The following XKR4 variants were observed in gnomAD, a reference collection of about 807,000 sequenced individuals.
The protein encoded by XKR4 is XK-related protein 4.
A neutral mutation model predicts 53.9 loss-of-function variants in XKR4; 12 were observed. That is an observed-to-expected ratio of 0.22 (90% CI 0.14 to 0.36). The LOEUF (loss-of-function observed/expected upper bound fraction) is 0.36. Ranked by LOEUF, XKR4 falls within the 10% of genes least tolerant of loss-of-function variation. The probability of loss-of-function intolerance (pLI) is 1.00; values close to 1 mark genes in which losing one functional copy is unlikely to be tolerated. For synonymous variants in XKR4, 354 were observed against 362.4 expected, an observed-to-expected ratio of 0.98 and a Z score of 0.26; for missense variants, 799 against 859.5, an observed-to-expected ratio of 0.93 and a Z score of 0.88.
intron 1 of XKR4, among the ~76,000 whole-genome samples, chr8:55,160,980 A>T (rs1188004894): frequency 2.0e-5 from 3 of 152,250 alleles, no homozygotes; most frequent in African/African-American, 7.2e-5. Flanking sequence ...TTTAAAGGAA[A>T]GACAAGGGTG....
intron 2 of XKR4, among the ~76,000 whole-genome samples, chr8:55,477,881 G>A (rs1410920568): frequency 6.6e-6 from 1 of 152,090 alleles, no homozygotes; most frequent in Non-Finnish European, 1.5e-5. Flanking sequence ...AACAAACAAA[G>A]CCTCCAAGAA....
At chr8:55,131,643 G>T (rs1484419217) in intron 1 of XKR4, among the ~76,000 whole-genome samples, 3 of 152,160 alleles carry the variant, frequency 2.0e-5, no homozygotes, top group African/African-American at 7.2e-5. Flanking sequence ...CGATTGACAT[G>T]CTCATCACAA....
intron 2 of XKR4, among the ~76,000 whole-genome samples, chr8:55,462,972 A>G (rs1563357516): frequency 6.6e-6 from 1 of 152,202 alleles, no homozygotes; most frequent in South Asian, 2.1e-4. Context: ...CAGATTCATA[A>G]AGCAAGTCCT....
intron 1 of XKR4, among the ~76,000 whole-genome samples, chr8:55,138,585 G>A (rs1816661970): frequency 6.6e-6 from 1 of 152,200 alleles, no homozygotes; most frequent in Non-Finnish European, 1.5e-5. Context: ...TTGAAGCTAA[G>A]TGCCACCAAG....
intron 1 of XKR4, among the ~76,000 whole-genome samples, chr8:55,253,398 T>C (rs1020505690): frequency 1.3e-5 from 2 of 152,226 alleles, no homozygotes; most frequent in Non-Finnish European, 2.9e-5. Context: ...ACACTTTTTT[T>C]TGTAATCTTC....
chr8:55,231,849 G>C (rs186514097), intron 1 of XKR4, among the ~76,000 whole-genome samples: 2 of 152,294 alleles, frequency 1.3e-5, no homozygotes, highest in Admixed American at 1.3e-4. Flanking sequence ...TTAAATTGGA[G>C]AGATTCCCTA....
intron 1 of XKR4, among the ~76,000 whole-genome samples, chr8:55,297,892 A>G (rs116985778): frequency 3.2e-4 from 49 of 152,338 alleles, no homozygotes; most frequent in Non-Finnish European, 6.2e-4. Flanking sequence ...CATATTTACT[A>G]TAGTAAATTA....
rs11313216 is a variant in XKR4, at chr8:55,532,796, CAAAAAAAAAAAAAA to C, written c.*8580_*8593del. 2.8e-5 allele frequency: 2 copies of C among 70,948 alleles called. No homozygotes were observed. Among genetic ancestry groups the C allele is most frequent in the Non-Finnish European group, 5.2e-5 (2 of 38,350 alleles). 4.4% of individuals were successfully genotyped at this position (70,948 alleles called of 1,614,324 possible). A position where few individuals can be genotyped will look rare whatever the true frequency, so the allele number is the denominator to read the frequency against. The stretch of plus-strand genomic sequence containing the variant: ...TGGGTGACAGAGCAAGACTCCGTCT[CAAAAAAAAAAAAAA>C]AAAAAAAAAAGAATTTCAGAAAATA... On this transcript the variant is annotated 3_prime_UTR_variant, in exon 3 of 3. Coordinates refer to ENST00000327381, the MANE Select transcript of XKR4 (RefSeq NM_052898.2).
chr8:55,460,026 C>CAAAAAAAAAAAAA (rs1563356639), intron 2 of XKR4, among the ~76,000 whole-genome samples: 1 of 101,152 alleles, frequency 9.9e-6, no homozygotes, highest in Non-Finnish European at 2.3e-5. Flanking sequence ...AAAAAAAAAC[C>CAAAAAAAAAAAAA]AAATGTCCAT....
chr8:55,451,343 TG>T, intron 2 of XKR4: 2 of 642,966 alleles, frequency 3.1e-6, no homozygotes, highest in South Asian at 1.8e-5. Flanking sequence ...ACCCTGGCTC[TG>T]GGGCTGCCAA....
chr8:55,305,600 A>G (rs1563320494), intron 1 of XKR4, among the ~76,000 whole-genome samples: 1 of 152,202 alleles, frequency 6.6e-6, no homozygotes, highest in Non-Finnish European at 1.5e-5. Flanking sequence ...ATTGGGCATA[A>G]TAATATTAAT....
chr8:55,144,612 AT>A (rs908980376), intron 1 of XKR4, among the ~76,000 whole-genome samples: 3 of 151,446 alleles, frequency 2.0e-5, no homozygotes, highest in African/African-American at 4.8e-5. Flanking sequence ...ATCTAATCCA[AT>A]TTTTTTTGGA....
Position 55,289,743 on chromosome 8 carries a change from AAAAG to A in XKR4, c.807-67921_807-67918del, listed in dbSNP as rs199720273. ...AGAAAGAGAAAGAAAGAAAGAAAGA[AAAAG>A]AAAGAAAGAAAGAGAGAAAGAAAGA... On this transcript the variant is annotated intron_variant, in intron 1 of 2. Transcript: ENST00000327381. 8.9e-3 allele frequency among the ~76,000 whole-genome samples: 1,268 copies of A among 142,428 alleles called. 23 individuals are homozygous for A. Among genetic ancestry groups the A allele is most frequent in the African/African-American group, 0.029 (1,051 of 36,154 alleles). 93.4% of individuals were successfully genotyped at this position (142,428 alleles called of 152,430 possible). A position where few individuals can be genotyped will look rare whatever the true frequency, so the allele number is the denominator to read the frequency against.
intron 1 of XKR4, among the ~76,000 whole-genome samples, chr8:55,204,543 C>T (rs1010834564): frequency 4.6e-5 from 7 of 152,132 alleles, no homozygotes; most frequent in Admixed American, 2.0e-4. Context: ...CCCACAAAGG[C>T]TGTGCCAGTT....
At chr8:55,449,644 A>T in intron 2 of XKR4, 2 of 977,320 alleles carry the variant, frequency 2.0e-6, no homozygotes, top group Admixed American at 1.7e-5. Context: ...TCTTAGGGGC[A>T]CCCATGGTGG....
rs746813122 is a variant in XKR4 at position 55,524,028 on chromosome 8, C to T, written c.1754C>T (p.Ser585Phe). The T allele has an allele frequency of 3.1e-6, 5 of 1,614,170 alleles. No homozygotes were observed. The highest frequency in any genetic ancestry group is 4.2e-6 in the Non-Finnish European group (5 of 1,180,038). The change falls in exon 3 of 3, where the codon TCT (serine) becomes TTT (phenylalanine). Residue 585 changes from serine to phenylalanine, a missense_variant. Ser to Phe is a radical substitution (Grantham distance 155). Transcript: ENST00000327381. ...VRPTAPSTPSSRPPRIEESVI... is the reference protein window; with the variant it reads ...VRPTAPSTPSFRPPRIEESVI... ...CCCACTGCCCCATCCACCCCATCAT[C>T]TCGCCCACCACGGATTGAAGAATCA...
intron 2 of XKR4, among the ~76,000 whole-genome samples, chr8:55,428,629 G>A (rs148856909): frequency 2.0e-5 from 3 of 152,156 alleles, no homozygotes; most frequent in Non-Finnish European, 4.4e-5. Flanking sequence ...CAACTCCCCC[G>A]TGTGTCACAT....
intron 2 of XKR4, among the ~76,000 whole-genome samples, chr8:55,408,359 CA>C (rs1290981518): frequency 6.6e-6 from 1 of 152,202 alleles, no homozygotes; most frequent in African/African-American, 2.4e-5. Context: ...AAACAGGAAA[CA>C]AAAGACAAAG....
At position 55,182,837 on chromosome 8, in the gene XKR4, G is replaced by A. The variant is rs1258334835; in HGVS notation, c.806+79543G>A. ...TAACATATACAAAAAATTATCCTGA[G>A]ATTTGATTGGAATTGTGTAGATCTG... On this transcript the variant is annotated intron_variant, in intron 1 of 2. Transcript: ENST00000327381. Among the ~76,000 whole-genome samples the A allele has an allele frequency of 2.0e-5, 3 of 152,126 alleles. No individual in the cohort carries two copies. The South Asian group carries it at 6.2e-4, about 32-fold the overall frequency.
Sources: gnomAD v4.1 joint callset for allele counts (sites outside exome capture counted in the v4.1 genomes callset) on GRCh38, gnomAD v4.1.1 for gene constraint, MANE v1.5 for transcripts, NCBI Gene and HGNC (gene_info 2026-07-23, HGNC 2026-07-21) for gene names.